Variants in CNGA1 observed in about 807,000 individuals in gnomAD.
The protein encoded by CNGA1 is cyclic nucleotide gated channel subunit alpha 1.
A neutral mutation model predicts 69.7 loss-of-function variants in CNGA1; 53 were observed. The ratio of observed to expected loss-of-function variants is 0.76; its 90% CI spans 0.61 to 0.96. CNGA1 has a LOEUF of 0.96. CNGA1 is among the 40% of genes least tolerant of loss of function. The pLI, the probability that CNGA1 is intolerant of heterozygous loss-of-function variation, is 0.00. For missense variants in CNGA1, 739 were observed against 811.2 expected (o/e 0.91, Z 1.08); for synonymous variants, 249 against 283.5 (o/e 0.88, Z 1.22).
At chr4:47,979,574 C>A (rs1741593315) in intron 3 of CNGA1, among the ~76,000 whole-genome samples, 2 of 151,976 alleles carry the variant, frequency 1.3e-5, no homozygotes, top group African/African-American at 4.8e-5. Flanking sequence ...AAAGTTTCTG[C>A]CTAGGAAAAT....
chr4:47,968,215 CT>C (rs1191307642), intron 3 of CNGA1, among the ~76,000 whole-genome samples: 1 of 152,144 alleles, frequency 6.6e-6, no homozygotes, highest in African/African-American at 2.4e-5. Context: ...GTCCATCATC[CT>C]TTCCCCAATT....
At chr4:47,983,362 G>A (rs944144843) in intron 2 of CNGA1, among the ~76,000 whole-genome samples, 5 of 151,902 alleles carry the variant, frequency 3.3e-5, no homozygotes, top group African/African-American at 1.2e-4. Context: ...AGGCTGAGGC[G>A]GGTAGATCAC....
intron 6 of CNGA1, among the ~76,000 whole-genome samples, chr4:47,945,963 T>C (rs1437247980): frequency 6.6e-6 from 1 of 152,058 alleles, no homozygotes; most frequent in East Asian, 1.9e-4. Flanking sequence ...ATAAGTGTAA[T>C]GTACATAATT....
At chr4:47,960,015 T>C (rs754173396) in intron 3 of CNGA1, among the ~76,000 whole-genome samples, 13 of 152,210 alleles carry the variant, frequency 8.5e-5, no homozygotes, top group Non-Finnish European at 1.8e-4. Flanking sequence ...ATATTCACAG[T>C]ACATTTATCT....
chr4:47,987,668 G>C (rs1742035204), intron 2 of CNGA1, among the ~76,000 whole-genome samples: 1 of 152,072 alleles, frequency 6.6e-6, no homozygotes, highest in South Asian at 2.1e-4. Context: ...AATAAATAAA[G>C]TAATAAATAT....
chr4:48,004,561 T>C (rs980060573), intron 2 of CNGA1, among the ~76,000 whole-genome samples: 4 of 152,150 alleles, frequency 2.6e-5, no homozygotes, highest in African/African-American at 4.8e-5. Context: ...GATGGTTTAT[T>C]CCTAGATGGG....
At chr4:47,973,152 C>G (rs922310309) in intron 3 of CNGA1, among the ~76,000 whole-genome samples, 2 of 149,862 alleles carry the variant, frequency 1.3e-5, no homozygotes, top group African/African-American at 4.9e-5. Flanking sequence ...ACTGCAACCT[C>G]CACCTCCCCG....
chr4:47,989,743 T>C (rs1742162667), intron 2 of CNGA1, among the ~76,000 whole-genome samples: 2 of 149,462 alleles, frequency 1.3e-5, no homozygotes, highest in South Asian at 4.1e-4. Flanking sequence ...ATTGCACCCA[T>C]TGCCCAAGCA....
Position 47,949,915 on chromosome 4 carries a change from C to T in CNGA1, c.225-20G>A, listed in dbSNP as rs1375877880. 3.1e-6 allele frequency: 5 copies of T among 1,612,074 alleles called. No homozygotes were observed. In the African/African-American group the frequency reaches 5.3e-5, roughly 17 times the overall value. ...TGCTCCCTGGGAAATGAAAAACATG[C>T]AGTGAAATCACAGTAGTCACCATCT... On this transcript the variant is annotated intron_variant, in intron 5 of 10. Transcript: ENST00000514170.
At chr4:47,975,507 C>G (rs1741300091) in intron 3 of CNGA1, among the ~76,000 whole-genome samples, 1 of 151,958 alleles carries the variant, frequency 6.6e-6, no homozygotes. Flanking sequence ...AACAAATAAC[C>G]CAATATATTT....
At chr4:47,990,705 A>G (rs916340204) in intron 2 of CNGA1, among the ~76,000 whole-genome samples, 2 of 152,042 alleles carry the variant, frequency 1.3e-5, no homozygotes, top group African/African-American at 4.8e-5. Flanking sequence ...CTAATATGTG[A>G]TGGCACTCCC....
chr4:48,011,035 C>T (rs1208258779), intron 1 of CNGA1, 142 bp from the exon 2 acceptor site: 2 of 152,276 alleles, frequency 1.3e-5, no homozygotes, highest in Non-Finnish European at 2.9e-5. Flanking sequence ...ATATCCTGAT[C>T]ATTGTCCCTC....
intron 3 of CNGA1, among the ~76,000 whole-genome samples, chr4:47,975,486 T>A (rs891249679): frequency 2.6e-5 from 4 of 152,118 alleles, no homozygotes; most frequent in African/African-American, 9.7e-5. Context: ...AAAAGTCAAT[T>A]AACTAAAACA....
intron 6 of CNGA1, among the ~76,000 whole-genome samples, chr4:47,945,511 T>C (rs531080897): frequency 3.9e-5 from 6 of 152,302 alleles, no homozygotes; most frequent in Non-Finnish European, 7.4e-5. Context: ...CACCTAGGGA[T>C]TGAAGCATCA....
intron 3 of CNGA1, among the ~76,000 whole-genome samples, chr4:47,973,830 T>C (rs992403932): frequency 6.6e-6 from 1 of 152,314 alleles, no homozygotes; most frequent in Admixed American, 6.5e-5. Flanking sequence ...AAATGATATA[T>C]TTCAATATTT....
At chr4:47,993,734 G>T (rs188443388) in intron 2 of CNGA1, among the ~76,000 whole-genome samples, 75 of 151,632 alleles carry the variant, frequency 4.9e-4, no homozygotes, top group African/African-American at 1.7e-3. Flanking sequence ...TTTGGGTTTG[G>T]TTTTTTTCTT....
At chr4:47,989,625 T>A (rs1471892351) in intron 2 of CNGA1, among the ~76,000 whole-genome samples, 8 of 152,156 alleles carry the variant, frequency 5.3e-5, no homozygotes, top group Admixed American at 5.2e-4. Context: ...TAATCAAAAT[T>A]TAGCACCTGA....
intron 3 of CNGA1, among the ~76,000 whole-genome samples, chr4:47,973,203 G>C (rs1017978065): frequency 2.1e-5 from 3 of 144,330 alleles, no homozygotes; most frequent in African/African-American, 8.7e-5. Flanking sequence ...AAGTACCTGG[G>C]ATTAAAGGCA....
At chr4:47,994,191 C>T (rs1742386829) in intron 2 of CNGA1, among the ~76,000 whole-genome samples, 1 of 152,008 alleles carries the variant, frequency 6.6e-6, no homozygotes, top group South Asian at 2.1e-4. Flanking sequence ...CTGTTAAGTC[C>T]ATTTGTGCCA....
Sources: gnomAD v4.1 joint callset for allele counts (sites outside exome capture counted in the v4.1 genomes callset) on GRCh38, gnomAD v4.1.1 for gene constraint, MANE v1.5 for transcripts, NCBI Gene and HGNC (gene_info 2026-07-23, HGNC 2026-07-21) for gene names.